Variants in LRRC4C observed in about 807,000 individuals in gnomAD.
LRRC4C encodes leucine-rich repeat-containing protein 4C.
Under a neutral mutation model 33.6 loss-of-function variants are expected in LRRC4C, and 5 were observed. The observed-to-expected ratio is 0.15, with a 90% CI of 0.08 to 0.31. LRRC4C has a LOEUF of 0.31. Ranked by LOEUF, LRRC4C falls within the 10% of genes least tolerant of loss-of-function variation. LRRC4C has a pLI of 1.00. For synonymous variants in LRRC4C, 329 were observed against 302.0 expected, an observed-to-expected ratio of 1.09 and a Z score of -0.93; for missense variants, 560 against 796.7, an observed-to-expected ratio of 0.70 and a Z score of 3.58.
intron 1 of LRRC4C, among the ~76,000 whole-genome samples, chr11:41,236,680 T>G (rs1289458669): frequency 6.6e-6 from 1 of 152,160 alleles, no homozygotes; most frequent in East Asian, 1.9e-4. Flanking sequence ...CTTCCTATGC[T>G]TATTTCTTCT....
chr11:41,199,670 C>G (rs1946325657), intron 1 of LRRC4C, among the ~76,000 whole-genome samples: 1 of 152,104 alleles, frequency 6.6e-6, no homozygotes, highest in Non-Finnish European at 1.5e-5. Context: ...GTGAATGCAT[C>G]TCCTCCCACC....
intron 2 of LRRC4C, among the ~76,000 whole-genome samples, chr11:40,782,207 A>G (rs1950235875): frequency 6.6e-6 from 1 of 152,114 alleles, no homozygotes; most frequent in African/African-American, 2.4e-5. Flanking sequence ...TTCGGCATAT[A>G]TACTTTCAGA....
intron 1 of LRRC4C, among the ~76,000 whole-genome samples, chr11:41,383,119 C>T (rs1489241929): frequency 6.6e-6 from 1 of 151,786 alleles, no homozygotes; most frequent in Non-Finnish European, 1.5e-5. Flanking sequence ...ATAAGCTGGC[C>T]GAAACTGGCT....
At chr11:41,149,316 T>A (rs986827994) in intron 1 of LRRC4C, among the ~76,000 whole-genome samples, 10 of 151,504 alleles carry the variant, frequency 6.6e-5, no homozygotes, top group African/African-American at 2.4e-4. Flanking sequence ...CCATCCCGGC[T>A]AAAAAACGGT....
chr11:40,624,039 T>G (rs559688956), intron 3 of LRRC4C, among the ~76,000 whole-genome samples: 1 of 152,306 alleles, frequency 6.6e-6, no homozygotes, highest in Admixed American at 6.5e-5. Context: ...TTTGTTTTTC[T>G]GCATTTCAGT....
chr11:40,636,714 A>G (rs1941772392), intron 3 of LRRC4C, among the ~76,000 whole-genome samples: 1 of 152,278 alleles, frequency 6.6e-6, no homozygotes, highest in Non-Finnish European at 1.5e-5. Flanking sequence ...GGCAGTGGAA[A>G]TAAGATCTCA....
chr11:40,641,941 C>T (rs1942144915), intron 3 of LRRC4C, among the ~76,000 whole-genome samples: 1 of 151,858 alleles, frequency 6.6e-6, no homozygotes, highest in Admixed American at 6.6e-5. Flanking sequence ...AATTCAGAGC[C>T]CTTCCTTGGG....
intron 5 of LRRC4C, among the ~76,000 whole-genome samples, chr11:40,154,109 C>T (rs191181169): frequency 9.9e-5 from 15 of 152,138 alleles, no homozygotes; most frequent in East Asian, 1.9e-4. Flanking sequence ...GCAAGCTAGA[C>T]GGGATTGGGG....
intron 1 of LRRC4C, among the ~76,000 whole-genome samples, chr11:41,050,867 G>T (rs534866693): frequency 6.6e-6 from 1 of 152,188 alleles, no homozygotes; most frequent in East Asian, 1.9e-4. Context: ...TTCTTATAAT[G>T]GATTCTAGAG....
At chr11:41,208,240 G>A (rs1268779574) in intron 1 of LRRC4C, among the ~76,000 whole-genome samples, 1 of 152,184 alleles carries the variant, frequency 6.6e-6, no homozygotes, top group African/African-American at 2.4e-5. Context: ...TGTGGAAGGT[G>A]GGACTTGTGA....
chr11:40,271,632 G>T (rs1942706439), intron 4 of LRRC4C, among the ~76,000 whole-genome samples: 1 of 152,094 alleles, frequency 6.6e-6, no homozygotes, highest in Non-Finnish European at 1.5e-5. Context: ...AGCCACTAAG[G>T]CAGTATTTCT....
At chr11:40,906,932 C>A (rs542481974) in intron 2 of LRRC4C, among the ~76,000 whole-genome samples, 12 of 152,136 alleles carry the variant, frequency 7.9e-5, no homozygotes, top group African/African-American at 2.6e-4. Context: ...TTATACAAGG[C>A]AGAAAAAAAT....
chr11:40,271,833 G>GTACC (rs1942724309), intron 4 of LRRC4C, among the ~76,000 whole-genome samples: 1 of 152,168 alleles, frequency 6.6e-6, no homozygotes, highest in African/African-American at 2.4e-5. Context: ...GAGACACATA[G>GTACC]TAACATTTTA....
intron 1 of LRRC4C, among the ~76,000 whole-genome samples, chr11:41,049,232 C>T (rs533545195): frequency 6.6e-6 from 1 of 152,120 alleles, no homozygotes; most frequent in East Asian, 1.9e-4. Flanking sequence ...CTCATGAGAC[C>T]TGATGGTTTT....
intron 3 of LRRC4C, among the ~76,000 whole-genome samples, chr11:40,366,583 A>G (rs1234224536): frequency 6.6e-6 from 1 of 152,086 alleles, no homozygotes; most frequent in East Asian, 1.9e-4. Context: ...TGTATATATA[A>G]CATACGTGTA....
chr11:40,934,091 T>C (rs919164117), intron 1 of LRRC4C, among the ~76,000 whole-genome samples: 6 of 152,126 alleles, frequency 3.9e-5, no homozygotes, highest in Non-Finnish European at 8.8e-5. Flanking sequence ...GTCAAATGAG[T>C]TTATTCCTTG....
At chr11:40,915,024 C>G (rs1956883510) in intron 2 of LRRC4C, among the ~76,000 whole-genome samples, 1 of 152,254 alleles carries the variant, frequency 6.6e-6, no homozygotes, top group African/African-American at 2.4e-5. Context: ...AACTACAAAC[C>G]ACTACTCAAA....
chr11:40,906,469 C>A (rs1419689551), intron 2 of LRRC4C, among the ~76,000 whole-genome samples: 1 of 152,202 alleles, frequency 6.6e-6, no homozygotes, highest in African/African-American at 2.4e-5. Flanking sequence ...CGAGATCTCA[C>A]CACTGCACTC....
intron 1 of LRRC4C, among the ~76,000 whole-genome samples, chr11:41,226,279 C>T (rs560106887): frequency 8.5e-5 from 13 of 152,200 alleles, no homozygotes; most frequent in African/African-American, 2.6e-4. Context: ...AAAATCTCTT[C>T]TTTAGAAAAG....
Sources: gnomAD v4.1 joint callset for allele counts (sites outside exome capture counted in the v4.1 genomes callset) on GRCh38, gnomAD v4.1.1 for gene constraint, MANE v1.5 for transcripts, NCBI Gene and HGNC (gene_info 2026-07-23, HGNC 2026-07-21) for gene names.